Variants in ZNF469 observed in about 807,000 individuals in gnomAD.
ZNF469 encodes zinc finger protein 469.
Under a neutral mutation model 1.0 loss-of-function variants are expected in ZNF469, and 1 was observed. The ratio of observed to expected loss-of-function variants is 1.00; its 90% CI spans 0.35 to 4.73. ZNF469 has a LOEUF of 4.73. Among genes scored for constraint, ZNF469 ranks in the 30% most tolerant of loss-of-function variants. The probability of loss-of-function intolerance (pLI) is 0.16; values close to 1 mark genes in which losing one functional copy is unlikely to be tolerated. For missense variants in ZNF469, 6,100 were observed against 5,356.3 expected (o/e 1.14, Z -4.33); for synonymous variants, 2,703 against 2,363.4 (o/e 1.14, Z -4.17).
At chr16:88,380,433 A>T (rs1220535111), upstream of ZNF469, among the ~76,000 whole-genome samples, 5 of 147,906 alleles carry the variant, frequency 3.4e-5, no homozygotes, top group African/African-American at 1.3e-4. Context: ...ATGCATTCAC[A>T]CATACACAGT....
the ZNF469 span, among the ~76,000 whole-genome samples, chr16:88,299,781 G>A: frequency 6.6e-6 from 1 of 152,326 alleles, no homozygotes; most frequent in East Asian, 1.9e-4. Flanking sequence ...CCCTGGGCAA[G>A]ACAGGGGACT....
chr16:88,364,489 CAAAAA>C, the ZNF469 span, among the ~76,000 whole-genome samples: 2 of 56,142 alleles, frequency 3.6e-5, no homozygotes, highest in Non-Finnish European at 7.5e-5. Flanking sequence ...TGTTGATTTC[CAAAAA>C]AAAAAAAAAA....
chr16:88,221,522 C>A, the ZNF469 span, among the ~76,000 whole-genome samples: 2 of 152,186 alleles, frequency 1.3e-5, no homozygotes, highest in African/African-American at 2.4e-5. Flanking sequence ...GCCTTCTGAG[C>A]GCTTCCTCCA....
At chr16:88,204,925 G>A in the ZNF469 span, among the ~76,000 whole-genome samples, 513 of 152,294 alleles carry the variant, frequency 3.4e-3, 4 homozygotes, top group African/African-American at 0.011. Flanking sequence ...CTAGGAAGTC[G>A]GACAGCACAG....
chr16:88,398,464 G>C (rs1308865309), intron 1 of ZNF469, among the ~76,000 whole-genome samples: 2 of 151,568 alleles, frequency 1.3e-5, no homozygotes, highest in Non-Finnish European at 1.5e-5. Context: ...GTTAAAGGGG[G>C]ACCCGTGAGC....
the ZNF469 span, among the ~76,000 whole-genome samples, chr16:88,295,688 G>A: frequency 1.3e-5 from 2 of 152,146 alleles, no homozygotes; most frequent in African/African-American, 2.4e-5. Context: ...ACATACATGG[G>A]CCAGGCCCCC....
At chr16:88,315,979 C>T in the ZNF469 span, among the ~76,000 whole-genome samples, 4 of 152,226 alleles carry the variant, frequency 2.6e-5, no homozygotes, top group African/African-American at 9.6e-5. Context: ...CCGGCGCCTG[C>T]ACCACTGAGG....
chr16:88,382,574 G>A (rs1043497313), upstream of ZNF469, among the ~76,000 whole-genome samples: 2 of 152,372 alleles, frequency 1.3e-5, no homozygotes, highest in Admixed American at 1.3e-4. Flanking sequence ...CCAGGCAGGT[G>A]CCAGGTGCCA....
the ZNF469 span, among the ~76,000 whole-genome samples, chr16:88,354,316 C>G: frequency 6.6e-6 from 1 of 152,158 alleles, no homozygotes; most frequent in African/African-American, 2.4e-5. Context: ...CAGCCCAGTG[C>G]CAGGTTCGGG....
chr16:88,166,831 A>T, the ZNF469 span, among the ~76,000 whole-genome samples: 2 of 151,826 alleles, frequency 1.3e-5, no homozygotes, highest in Non-Finnish European at 2.9e-5. The surrounding 1 kb of genome is among the most constrained non-coding windows in gnomAD (Gnocchi z 4.5). Flanking sequence ...AAAATATGTA[A>T]ATATATAAAA....
chr16:88,148,488 T>G, the ZNF469 span, among the ~76,000 whole-genome samples: 1 of 152,158 alleles, frequency 6.6e-6, no homozygotes, highest in Non-Finnish European at 1.5e-5. Context: ...GGAGGTCTCC[T>G]GTGGGGCACA....
chr16:88,186,093 G>C, the ZNF469 span, among the ~76,000 whole-genome samples: 1 of 152,230 alleles, frequency 6.6e-6, no homozygotes, highest in East Asian at 1.9e-4. Flanking sequence ...CCGGATCACT[G>C]GGCCGACACC....
rs1469329798 is a variant in ZNF469, at chr16:88,433,966, C to T, written c.6496C>T (p.Leu2166=). Residue 2166 remains leucine, a synonymous_variant, in exon 3 of 3, where the codon CTG becomes TTG. Transcript: ENST00000565624. ...CRDPPGPQQL[L]ACSPAWAPLE... ...GGACCCTCCCGGCCCCCAGCAGCTG[C>T]TGGCCTGTTCTCCTGCCTGGGCACC... is the stretch of plus-strand genomic sequence containing the variant. 2.6e-6 allele frequency: 4 copies of T among 1,550,282 alleles called. No homozygotes were observed. The highest frequency in any genetic ancestry group is 2.6e-6 in the Non-Finnish European group (3 of 1,146,924).
the ZNF469 span, among the ~76,000 whole-genome samples, chr16:88,284,215 C>T: frequency 1.3e-5 from 2 of 152,090 alleles, no homozygotes; most frequent in Admixed American, 1.3e-4. Flanking sequence ...CCCTGAGTGC[C>T]CAAGGTCTGC....
chr16:88,322,630 G>A, the ZNF469 span, among the ~76,000 whole-genome samples: 4 of 152,300 alleles, frequency 2.6e-5, no homozygotes, highest in East Asian at 5.8e-4. Context: ...ACCACTCCTC[G>A]GAGACTGTGT....
At chr16:88,422,091 G>A (rs1042299569) in intron 1 of ZNF469, among the ~76,000 whole-genome samples, 2 of 150,478 alleles carry the variant, frequency 1.3e-5, no homozygotes, top group Non-Finnish European at 2.9e-5. Context: ...CTGACTGGGT[G>A]GATGGATGGA....
chr16:88,202,656 C>T, the ZNF469 span, among the ~76,000 whole-genome samples: 2 of 152,094 alleles, frequency 1.3e-5, no homozygotes, highest in African/African-American at 4.8e-5. Context: ...CTGGAAGAGA[C>T]CTTAGGAAAC....
the ZNF469 span, among the ~76,000 whole-genome samples, chr16:88,179,391 CA>C: frequency 1.3e-5 from 2 of 152,226 alleles, no homozygotes; most frequent in Non-Finnish European, 2.9e-5. Flanking sequence ...CCTCTGCACA[CA>C]TGGCTCCCCT....
chr16:88,304,785 G>T, the ZNF469 span, among the ~76,000 whole-genome samples: 1 of 152,212 alleles, frequency 6.6e-6, no homozygotes, highest in South Asian at 2.1e-4. Flanking sequence ...TGAGGAATTT[G>T]TATTGTCTCA....
Sources: gnomAD v4.1 joint callset for allele counts (sites outside exome capture counted in the v4.1 genomes callset) on GRCh38, gnomAD v4.1.1 for gene constraint, Gnocchi (gnomAD v3.1) non-coding constraint, MANE v1.5 for transcripts, NCBI Gene and HGNC (gene_info 2026-07-23, HGNC 2026-07-21) for gene names.